The following CST7 variants were observed in gnomAD, a reference collection of about 807,000 sequenced individuals.
CST7 encodes the protein cystatin F.
CST7 carries 15 observed loss-of-function variants against 13.1 expected under a neutral mutation model. The ratio of observed to expected loss-of-function variants is 1.14; its 90% CI spans 0.77 to 1.76. The LOEUF (loss-of-function observed/expected upper bound fraction) is 1.76. CST7 is among the 40% of genes most tolerant of loss of function. The probability of loss-of-function intolerance (pLI) is 0.00; values close to 1 mark genes in which losing one functional copy is unlikely to be tolerated. For missense variants in CST7, 193 were observed against 178.8 expected (o/e 1.08, Z -0.45); for synonymous variants, 75 against 66.9 (o/e 1.12, Z -0.59).
At position 24,957,536 on chromosome 20, in the gene CST7, G is replaced by A. The variant is rs921625298; in HGVS notation, c.243+77G>A. 1.7e-5 allele frequency: 24 copies of A among 1,416,020 alleles called. No homozygotes were observed. In the East Asian group the frequency reaches 3.9e-4, roughly 23 times the overall value. 87.7% of individuals were successfully genotyped at this position (1,416,020 alleles called of 1,614,324 possible). On this transcript the variant is annotated intron_variant, in intron 2 of 3. Coordinates refer to ENST00000480798, the MANE Select transcript of CST7 (RefSeq NM_003650.4). ...CTGCTACAACGCGACACCTAGGAGA[G>A]CAGGGCGGATATAATGTGAAGTCCC... is the stretch of plus-strand genomic sequence containing the variant.
chr20:24,955,015 T>C (rs755571188), intron 1 of CST7, among the ~76,000 whole-genome samples: 2 of 150,546 alleles, frequency 1.3e-5, no homozygotes, highest in Non-Finnish European at 2.9e-5. Flanking sequence ...GCCATATTAA[T>C]GTAATGTGAG....
intron 1 of CST7, among the ~76,000 whole-genome samples, chr20:24,955,145 A>G (rs1047339072): frequency 2.6e-5 from 4 of 152,154 alleles, no homozygotes; most frequent in South Asian, 2.1e-4. Flanking sequence ...TTCAGATGAC[A>G]GTGATGAGCT....
At chr20:24,950,206 G>T (rs1358037062) in intron 1 of CST7, among the ~76,000 whole-genome samples, 1 of 152,214 alleles carries the variant, frequency 6.6e-6, no homozygotes, top group Non-Finnish European at 1.5e-5. Flanking sequence ...CCTGGCACAG[G>T]AATCAGACCA....
chr20:24,951,326 C>T (rs2087817247), intron 1 of CST7, among the ~76,000 whole-genome samples: 1 of 152,200 alleles, frequency 6.6e-6, no homozygotes, highest in Non-Finnish European at 1.5e-5. Flanking sequence ...CATGGAGGCA[C>T]ATGGGGCATG....
Position 24,959,062 on chromosome 20 carries a change from T to C in CST7, c.360+18T>C. On this transcript the variant is annotated intron_variant, in intron 3 of 3. Transcript: ENST00000480798. ...TGAAGCAGGTAAAGCAGCAGGCCCT[T>C]CTCTCAGATGTGCCCTCTCTTCCCC... The C allele has an allele frequency of 6.4e-7, 1 of 1,572,928 alleles. No individual in the cohort carries two copies. Among genetic ancestry groups the C allele is most frequent in the Non-Finnish European group, 8.8e-7 (1 of 1,142,642 alleles).
chr20:24,957,756 T>C (rs1474727698), intron 2 of CST7, among the ~76,000 whole-genome samples: 2 of 152,174 alleles, frequency 1.3e-5, no homozygotes, highest in African/African-American at 4.8e-5. Flanking sequence ...ATGGGGCTCC[T>C]GAGGCAGGCG....
In CST7 at chr20:24,957,460, G is replaced by A. The variant is rs757978177; in HGVS notation, c.243+1G>A. 1 of 1,612,990 alleles carries A rather than the reference G, an allele frequency of 6.2e-7. No individual in the cohort carries two copies. The highest frequency in any genetic ancestry group is 1.3e-5 in the African/African-American group (1 of 74,810). ...CCGCATCACAAGGGCCCTAGTTCAGGTAACGGTCTGGGTTCTGGTCACATA... is the reference window on the plus strand; with the variant it reads ...CCGCATCACAAGGGCCCTAGTTCAGATAACGGTCTGGGTTCTGGTCACATA... On this transcript the variant is annotated splice_donor_variant, in intron 2 of 3. Coordinates refer to ENST00000480798, the MANE Select transcript of CST7 (RefSeq NM_003650.4). LOFTEE classifies it high-confidence loss of function.
intron 2 of CST7, among the ~76,000 whole-genome samples, chr20:24,957,713 C>G (rs1158114940): frequency 6.6e-6 from 1 of 152,156 alleles, no homozygotes; most frequent in African/African-American, 2.4e-5. Context: ...CCAGAGCCTA[C>G]TAGGCATGGG....
At chr20:24,958,681 T>C (rs1318190497) in intron 2 of CST7, among the ~76,000 whole-genome samples, 6 of 151,822 alleles carry the variant, frequency 4.0e-5, no homozygotes, top group Non-Finnish European at 1.5e-5. Context: ...CCCTCCTGAG[T>C]GCAGAGCTCT....
At chr20:24,949,759 G>C (rs1306513555) in intron 1 of CST7, among the ~76,000 whole-genome samples, 184 bp downstream of exon 1, 1 of 152,222 alleles carries the variant, frequency 6.6e-6, no homozygotes, top group African/African-American at 2.4e-5. Context: ...ACCTTTGGGG[G>C]TAGCAGGCTA....
At chr20:24,956,674 G>A (rs1343048856) in intron 1 of CST7, among the ~76,000 whole-genome samples, 1 of 151,984 alleles carries the variant, frequency 6.6e-6, no homozygotes, top group Non-Finnish European at 1.5e-5. Flanking sequence ...CAGGAGGGGT[G>A]CCCTCCTGGG....
At chr20:24,955,568 T>C (rs1171432414) in intron 1 of CST7, among the ~76,000 whole-genome samples, 1 of 150,156 alleles carries the variant, frequency 6.7e-6, no homozygotes, top group Non-Finnish European at 1.5e-5. Context: ...TCCTGCCTCA[T>C]CCTCCCGAGT....
chr20:24,956,674 GC>G (rs2087856686), intron 1 of CST7, among the ~76,000 whole-genome samples: 1 of 151,984 alleles, frequency 6.6e-6, no homozygotes, highest in African/African-American at 2.4e-5. Flanking sequence ...CAGGAGGGGT[GC>G]CCTCCTGGGG....
At chr20:24,956,779 G>T (rs907900659) in intron 1 of CST7, among the ~76,000 whole-genome samples, 1 of 151,376 alleles carries the variant, frequency 6.6e-6, no homozygotes, top group Non-Finnish European at 1.5e-5. Flanking sequence ...TCCATCTACC[G>T]CCCAGAGGGC....
At position 24,957,653 on chromosome 20, in the gene CST7, C is replaced by T. The variant is rs190928016; in HGVS notation, c.243+194C>T. Reference sequence around the variant, plus strand: ...GGCCAGCATCCCCCAGGGCCAAGCGCAAAGGTTACACAAAGCACACGGCTC... The same window carrying T: ...GGCCAGCATCCCCCAGGGCCAAGCGTAAAGGTTACACAAAGCACACGGCTC... On this transcript the variant is annotated intron_variant, in intron 2 of 3. Coordinates refer to ENST00000480798, the MANE Select transcript of CST7 (RefSeq NM_003650.4). Among the ~76,000 whole-genome samples, 930 of 152,208 alleles carry T rather than the reference C, an allele frequency of 6.1e-3. 15 individuals are homozygous for T. Among genetic ancestry groups the T allele is most frequent in the African/African-American group, 0.022 (906 of 41,526 alleles).
rs189155192 is a variant in CST7, at chr20:24,956,066, C to T, written c.71-1221C>T. ...TCCCTTCACAATGGAGACTCTTTAC[C>T]GGGATGGGGCGACAATCCCAAGGCC... On this transcript the variant is annotated intron_variant, in intron 1 of 3. Transcript: ENST00000480798. Among the ~76,000 whole-genome samples the T allele has an allele frequency of 6.1e-3, 928 of 152,272 alleles. 15 individuals are homozygous for T. The highest frequency in any genetic ancestry group is 0.022 in the African/African-American group (903 of 41,564).
chr20:24,959,083 T>A, intron 3 of CST7, 39 bp downstream of exon 3: 1 of 1,463,650 alleles, frequency 6.8e-7, no homozygotes, highest in Admixed American at 1.7e-5. Flanking sequence ...TGCCCTCTCT[T>A]CCCCAGCCCA....
At chr20:24,949,729 G>A (rs1033624278) in intron 1 of CST7, among the ~76,000 whole-genome samples, 154 bp downstream of exon 1, 6 of 152,202 alleles carry the variant, frequency 3.9e-5, no homozygotes, top group African/African-American at 9.6e-5. Context: ...AGGGGCAAGG[G>A]GCTCCATCTG....
intron 1 of CST7, among the ~76,000 whole-genome samples, chr20:24,956,756 G>A: frequency 6.6e-6 from 1 of 151,690 alleles, no homozygotes; most frequent in Non-Finnish European, 1.5e-5. Context: ...TCCTTCCGGT[G>A]GGAGGCACTA....
Sources: allele counts gnomAD v4.1 joint callset (sites outside exome capture counted in the v4.1 genomes callset), GRCh38; gene constraint gnomAD v4.1.1; transcripts MANE v1.5; gene names NCBI Gene and HGNC (gene_info 2026-07-23, HGNC 2026-07-21).